Variants in TTC23L observed in about 807,000 individuals in gnomAD.
TTC23L encodes the protein tetratricopeptide repeat domain 23 like, also known as tetratricopeptide repeat protein 23-like.
Under a neutral mutation model 48.1 loss-of-function variants are expected in TTC23L, and 42 were observed. That is an observed-to-expected ratio of 0.87 (90% CI 0.68 to 1.13). TTC23L has a LOEUF of 1.13. TTC23L is among the 50% of genes most tolerant of loss of function. The pLI, the probability that TTC23L is intolerant of heterozygous loss-of-function variation, is 0.00. For synonymous variants in TTC23L, 159 were observed against 157.2 expected, an observed-to-expected ratio of 1.01 and a Z score of -0.09; for missense variants, 391 against 421.0, an observed-to-expected ratio of 0.93 and a Z score of 0.62.
intron 4 of TTC23L, among the ~76,000 whole-genome samples, chr5:34,857,141 C>A (rs1036116858): frequency 3.9e-5 from 6 of 152,162 alleles, no homozygotes; most frequent in African/African-American, 1.4e-4. Flanking sequence ...AGAAGTGGAC[C>A]TCTATGGCCC....
intron 4 of TTC23L, among the ~76,000 whole-genome samples, chr5:34,857,862 C>G (rs930283422): frequency 7.2e-5 from 11 of 152,274 alleles, no homozygotes; most frequent in African/African-American, 2.6e-4. Context: ...CCTGGAAAGT[C>G]TGGCTCTAGA....
intron 8 of TTC23L, among the ~76,000 whole-genome samples, chr5:34,877,481 C>T (rs1052404245): frequency 3.3e-5 from 5 of 150,688 alleles, no homozygotes; most frequent in East Asian, 2.0e-4. Flanking sequence ...TGGAGTACAA[C>T]GGTGTGATCT....
the TTC23L span, chr5:34,920,803 T>G: frequency 3.3e-5 from 5 of 152,046 alleles, no homozygotes; most frequent in African/African-American, 9.7e-5. Flanking sequence ...TTGTGTTTAT[T>G]CTAAGACCAG....
At chr5:34,843,564 A>G (rs1421113155) in intron 2 of TTC23L, among the ~76,000 whole-genome samples, 3 of 152,228 alleles carry the variant, frequency 2.0e-5, no homozygotes, top group Non-Finnish European at 2.9e-5. Context: ...TATAATTTTT[A>G]CTATCCATAA....
At chr5:34,923,173 T>C in the TTC23L span, 1 of 1,614,198 alleles carries the variant, frequency 6.2e-7, no homozygotes, top group Non-Finnish European at 8.5e-7. Flanking sequence ...AGCCAACCAT[T>C]TGTGGACCAC....
chr5:34,858,834 T>C (rs936931710), intron 4 of TTC23L, among the ~76,000 whole-genome samples: 3 of 152,136 alleles, frequency 2.0e-5, no homozygotes, highest in African/African-American at 7.2e-5. Flanking sequence ...ATATAATAAA[T>C]TGTTTTAAAT....
chr5:34,896,696 A>C, intron 9 of TTC23L, 74 bp from the exon 10 acceptor site: 2 of 742,496 alleles, frequency 2.7e-6, no homozygotes, highest in Admixed American at 3.8e-5. Context: ...TCTCAGTGCA[A>C]TGAAAGGAGA....
chr5:34,912,641 C>A, the TTC23L span, among the ~76,000 whole-genome samples: 59 of 152,180 alleles, frequency 3.9e-4, no homozygotes, highest in Non-Finnish European at 3.5e-4. Context: ...TTTATACCCA[C>A]AGCAATTCAA....
intron 8 of TTC23L, among the ~76,000 whole-genome samples, chr5:34,874,855 A>G (rs1237340988): frequency 6.6e-6 from 1 of 152,242 alleles, no homozygotes; most frequent in Non-Finnish European, 1.5e-5. Flanking sequence ...TGTTAATCCA[A>G]CTATATTAAC....
the TTC23L span, chr5:34,905,820 G>T: frequency 1.3e-5 from 2 of 151,528 alleles, no homozygotes; most frequent in Admixed American, 1.3e-4. Context: ...AAAATTCCTG[G>T]GTCAATTAGA....
Position 34,896,756 on chromosome 5 carries a change from G to T in TTC23L, c.1078-14G>T. ...ACTTCATAGAGAGGGTGACATTTGA[G>T]CCATTTCTTAAAGGACAAGTAGCAG... On this transcript the variant is annotated splice_polypyrimidine_tract_variant and intron_variant, in intron 9 of 10. Transcript: ENST00000505624. 1 of 769,622 alleles carries T rather than the reference G, an allele frequency of 1.3e-6. No individual in the cohort carries two copies. Among genetic ancestry groups the T allele is most frequent in the Non-Finnish European group, 2.4e-6 (1 of 412,756 alleles). The allele number at this position is 769,622 out of a possible 1,614,324, so 47.7% of individuals were successfully genotyped here.
intron 8 of TTC23L, among the ~76,000 whole-genome samples, chr5:34,877,956 G>A (rs546453562): frequency 6.6e-6 from 1 of 152,158 alleles, no homozygotes; most frequent in South Asian, 2.1e-4. Flanking sequence ...AAAAATATCT[G>A]GAATTAATAA....
intron 8 of TTC23L, among the ~76,000 whole-genome samples, chr5:34,874,410 A>G (rs1034050161): frequency 8.5e-5 from 13 of 152,362 alleles, no homozygotes; most frequent in African/African-American, 2.6e-4. Flanking sequence ...TTATTTTGTT[A>G]TTATAAGGTA....
intron 10 of TTC23L, 83 bp downstream of exon 10, chr5:34,896,958 G>A: frequency 1.8e-6 from 1 of 561,660 alleles, no homozygotes; most frequent in Admixed American, 2.9e-5. Context: ...ATGTGTGCCA[G>A]TTCTCTGGGG....
rs575724744 is a variant in TTC23L at position 34,859,588 on chromosome 5, G to C, written c.380-3310G>C. ...GCCGTTATAAAAGAGGCTTTTTGTG[G>C]TGTTTGGTTCTTTTTCTCTTCCGTT... On this transcript the variant is annotated intron_variant, in intron 4 of 10. Coordinates refer to ENST00000505624, the Ensembl canonical transcript of TTC23L. 2.0e-5 allele frequency among the ~76,000 whole-genome samples: 3 copies of C among 152,156 alleles called. No homozygotes were observed. The South Asian group carries it at 6.2e-4, about 32-fold the overall frequency.
In TTC23L at chr5:34,845,474, C is replaced by T. The variant is rs556852615; in HGVS notation, c.69-13C>T. 3.7e-6 allele frequency: 6 copies of T among 1,607,900 alleles called. No individual in the cohort carries two copies. In the African/African-American group the frequency reaches 5.4e-5, roughly 14 times the overall value. ...GGTTAAATCCTGAATCCTTGCCTCT[C>T]TCATACCTACAGGTCACAGCAAACC... is the stretch of plus-strand genomic sequence containing the variant. On this transcript the variant is annotated splice_polypyrimidine_tract_variant and intron_variant, in intron 2 of 10. Coordinates refer to ENST00000505624, the Ensembl canonical transcript of TTC23L.
At chr5:34,866,704 A>G (rs759888682) in intron 6 of TTC23L, among the ~76,000 whole-genome samples, 188 bp from the exon 7 acceptor site, 3 of 152,224 alleles carry the variant, frequency 2.0e-5, no homozygotes, top group South Asian at 2.1e-4. Context: ...AGTGGTCGTC[A>G]ATGAAATCTG....
chr5:34,922,469 A>T, the TTC23L span: 1 of 1,006,774 alleles, frequency 9.9e-7, no homozygotes, highest in Non-Finnish European at 1.5e-6. Flanking sequence ...CATATTATTT[A>T]TGGTGAATAG....
intron 8 of TTC23L, among the ~76,000 whole-genome samples, chr5:34,875,594 C>A (rs1195976118): frequency 6.6e-6 from 1 of 152,080 alleles, no homozygotes; most frequent in African/African-American, 2.4e-5. Flanking sequence ...CTGCCTCTCC[C>A]AGCCCACTGT....
Sources: gnomAD v4.1 joint callset for allele counts (sites outside exome capture counted in the v4.1 genomes callset) on GRCh38, gnomAD v4.1.1 for gene constraint, MANE v1.5 for transcripts, NCBI Gene and HGNC (gene_info 2026-07-23, HGNC 2026-07-21) for gene names.